Variants in AGK observed in about 807,000 individuals in gnomAD.
AGK encodes acylglycerol kinase, also known as acylglycerol kinase, mitochondrial.
A neutral mutation model predicts 66.4 loss-of-function variants in AGK; 52 were observed. The observed-to-expected ratio is 0.78, with a 90% CI of 0.63 to 0.99. AGK has a LOEUF of 0.99. AGK is among the 50% of genes least tolerant of loss of function. The probability of loss-of-function intolerance (pLI) is 0.00; values close to 1 mark genes in which losing one functional copy is unlikely to be tolerated. For synonymous variants in AGK, 182 were observed against 181.1 expected (o/e 1.00, Z -0.04); for missense variants, 451 against 506.6 (o/e 0.89, Z 1.05).
chr7:141,599,062 AGGT>A (rs1439215898), intron 4 of AGK: 1 of 152,180 alleles, frequency 6.6e-6, no homozygotes, highest in Non-Finnish European at 1.5e-5. Context: ...TCCTTTAACA[AGGT>A]GAAGAATCCC....
At chr7:141,650,760 G>A (rs1221949785) in intron 14 of AGK, 2 of 853,714 alleles carry the variant, frequency 2.3e-6, no homozygotes, top group Non-Finnish European at 2.8e-6. Context: ...TCATCCCACG[G>A]TATCCTTGGG....
At chr7:141,572,072 G>A (rs1795618755) in intron 2 of AGK, among the ~76,000 whole-genome samples, 2 of 152,194 alleles carry the variant, frequency 1.3e-5, no homozygotes, top group South Asian at 2.1e-4. Flanking sequence ...AGACTTGACT[G>A]TAAAGTTGCA....
At position 141,608,028 on chromosome 7, in the gene AGK, ATATT is replaced by A. The variant is rs564463607; in HGVS notation, c.298-3160_298-3157del. ...CACATTTATTAATGTGTTTTTACAA[ATATT>A]TATTTAGTGCCCACTATGAGCTAAG... On this transcript the variant is annotated intron_variant, in intron 5 of 15. Coordinates refer to ENST00000649286, the MANE Select transcript of AGK (RefSeq NM_018238.4). Among the ~76,000 whole-genome samples, 412 of 152,226 alleles carry A rather than the reference ATATT, an allele frequency of 2.7e-3. 4 individuals are homozygous for A. The highest frequency in any genetic ancestry group is 0.014 in the Middle Eastern group (4 of 294).
In AGK at chr7:141,651,533, AG is replaced by A. The variant is rs1305723593; in HGVS notation, c.1057del (p.Val353Ter). ...KGDFITIGSR[K>X]VRNPKLHVEG... ...TTTTCCTGTGCTCACAGAAGTCGAA[AG>A]GTGAGAAACCCCAAGCTGCACGTGG... On this transcript the variant is annotated frameshift_variant, in exon 15 of 16. Coordinates refer to ENST00000649286, the MANE Select transcript of AGK (RefSeq NM_018238.4). LOFTEE classifies it high-confidence loss of function. The A allele has an allele frequency of 1.2e-6, 2 of 1,614,216 alleles. No homozygotes were observed.
intron 2 of AGK, among the ~76,000 whole-genome samples, chr7:141,588,610 C>A (rs535708093): frequency 6.7e-6 from 1 of 150,054 alleles, no homozygotes; most frequent in Non-Finnish European, 1.5e-5. Flanking sequence ...AGTGATACTT[C>A]GCCTCGGAAA....
At chr7:141,579,844 G>T (rs1047980000) in intron 2 of AGK, among the ~76,000 whole-genome samples, 1 of 152,118 alleles carries the variant, frequency 6.6e-6, no homozygotes, top group Middle Eastern at 3.4e-3. Flanking sequence ...CATTTGCCTT[G>T]TGTGGGAAGA....
chr7:141,627,286 AT>A (rs369477652), intron 9 of AGK, among the ~76,000 whole-genome samples: 2 of 151,190 alleles, frequency 1.3e-5, no homozygotes, highest in South Asian at 2.1e-4. Flanking sequence ...CTAAACTCTT[AT>A]TTTTTTTTCT....
Position 141,641,903 on chromosome 7 carries a change from C to T in AGK, c.970C>T (p.Pro324Ser). 6.3e-7 allele frequency: 1 copy of T among 1,575,188 alleles called. No individual in the cohort carries two copies. Among genetic ancestry groups the T allele is most frequent in the Non-Finnish European group, 8.6e-7 (1 of 1,159,150 alleles). ...CACAACACGGAATAATCAGCTTGAC[C>T]CGACAGTAAGTGTGCTTTTTTATTA... The part of the protein sequence containing the change: ...SITTRNNQLD[P>S]TSKEDFLNIC... Residue 324 changes from proline to serine, a missense_variant, in exon 13 of 16, where the codon CCG (proline) becomes TCG (serine). Coordinates refer to ENST00000649286, the MANE Select transcript of AGK (RefSeq NM_018238.4).
rs1021723805 is a variant in AGK at position 141,628,942 on chromosome 7, T to C, written c.589-4959T>C. Among the ~76,000 whole-genome samples, 4 of 152,172 alleles carry C rather than the reference T, an allele frequency of 2.6e-5. No individual in the cohort carries two copies. In the East Asian group the frequency reaches 5.8e-4, roughly 22 times the overall value. Reference sequence around the variant, plus strand: ...ATTCTTTGTAGCTTTTTCTTTTTGTTTTTTCAACTAGATTCTTAAGACCCT... The same window carrying C: ...ATTCTTTGTAGCTTTTTCTTTTTGTCTTTTCAACTAGATTCTTAAGACCCT... On this transcript the variant is annotated intron_variant, in intron 9 of 15. Transcript: ENST00000649286.
chr7:141,599,168 A>G (rs1796289224), intron 4 of AGK: 2 of 152,264 alleles, frequency 1.3e-5, no homozygotes, highest in East Asian at 3.9e-4. Context: ...TTTTGTCATC[A>G]TAGCTCTGTC....
intron 3 of AGK, chr7:141,593,769 A>G (rs1796172307): frequency 6.0e-6 from 1 of 166,080 alleles, no homozygotes; most frequent in Non-Finnish European, 1.3e-5. Context: ...TGTGCATTAT[A>G]CCTTGCAGAT....
rs766719681 is a variant in AGK, at chr7:141,601,272, A to G, written c.289A>G (p.Ile97Val). ...ILHLSGMDVT[I>V]VKTDYEGQAK... ...ACATTTATCTGGCATGGATGTGACT[A>G]TTGTTAAGGTAAGAATGGCTCCTGA... The change falls in exon 5 of 16, where the codon ATT becomes GTT. Residue 97 changes from isoleucine to valine, a missense_variant. Ile to Val is a conservative substitution (Grantham distance 29, BLOSUM62 3). Coordinates refer to ENST00000649286, the MANE Select transcript of AGK (RefSeq NM_018238.4). 42 of 1,612,002 alleles carry G rather than the reference A, an allele frequency of 2.6e-5. No homozygotes were observed. Among genetic ancestry groups the G allele is most frequent in the Middle Eastern group, 1.6e-4 (1 of 6,068 alleles).
At chr7:141,601,516 G>A (rs570998333) in intron 5 of AGK, among the ~76,000 whole-genome samples, 1 of 152,326 alleles carries the variant, frequency 6.6e-6, no homozygotes, top group African/African-American at 2.4e-5. Context: ...CTGAGAGATA[G>A]GATGTGGAAT....
At chr7:141,633,219 T>C (rs570395251) in intron 9 of AGK, among the ~76,000 whole-genome samples, 10 of 152,210 alleles carry the variant, frequency 6.6e-5, no homozygotes, top group Non-Finnish European at 1.3e-4. Context: ...ACAGGAAAAA[T>C]TCCATTTAGA....
chr7:141,615,950 A>G (rs904125248), intron 8 of AGK: 3 of 166,412 alleles, frequency 1.8e-5, no homozygotes, highest in African/African-American at 7.2e-5. Flanking sequence ...AGACTGAACT[A>G]GTAGCCTGGC....
At position 141,654,462 on chromosome 7, in the gene AGK, T is replaced by TATCA. The variant is rs1400202390; in HGVS notation, c.*1539_*1542dup. The TATCA allele has an allele frequency of 1.3e-5, 2 of 152,244 alleles. No individual in the cohort carries two copies. The highest frequency in any genetic ancestry group is 4.8e-5 in the African/African-American group (2 of 41,476). 9.4% of individuals were successfully genotyped at this position (152,244 alleles called of 1,614,324 possible). On this transcript the variant is annotated 3_prime_UTR_variant, in exon 16 of 16. Transcript: ENST00000649286. The stretch of plus-strand genomic sequence containing the variant: ...CATTTTGACAAAGATCACAGTGCTC[T>TATCA]ATCATCAAGAATTATTAATGATGAT...
At chr7:141,567,344 T>TG (rs969464288) in intron 2 of AGK, among the ~76,000 whole-genome samples, 2 of 152,238 alleles carry the variant, frequency 1.3e-5, no homozygotes, top group Admixed American at 1.3e-4. Flanking sequence ...TCTTTTTATC[T>TG]GACCCCTTTT....
intron 5 of AGK, among the ~76,000 whole-genome samples, chr7:141,605,051 G>A (rs1796427715): frequency 6.6e-6 from 1 of 151,742 alleles, no homozygotes; most frequent in Non-Finnish European, 1.5e-5. Context: ...TTTAGTGGAA[G>A]TACCACAAAA....
rs939660142 is a variant in AGK at position 141,653,657 on chromosome 7, T to A, written c.*733T>A. 2.0e-5 allele frequency: 3 copies of A among 152,206 alleles called. No homozygotes were observed. Among genetic ancestry groups the A allele is most frequent in the African/African-American group, 7.2e-5 (3 of 41,448 alleles). 9.4% of individuals were successfully genotyped at this position (152,206 alleles called of 1,614,324 possible). On this transcript the variant is annotated 3_prime_UTR_variant, in exon 16 of 16. Transcript: ENST00000649286. ...GCCCTTCCCAGGTGATTCTGTAAGT[T>A]GTCCCTCAACTGTACTTGGAGAAAT...
Sources: allele counts gnomAD v4.1 joint callset (sites outside exome capture counted in the v4.1 genomes callset), GRCh38; gene constraint gnomAD v4.1.1; transcripts MANE v1.5; gene names NCBI Gene and HGNC (gene_info 2026-07-23, HGNC 2026-07-21).